CADM1: variants seen among roughly 807,000 people sequenced by gnomAD.
CADM1 encodes the protein cell adhesion molecule 1.
In CADM1, 15 loss-of-function variants were observed where a neutral mutation model predicts 53.1. The ratio of observed to expected loss-of-function variants is 0.28; its 90% CI spans 0.19 to 0.44. The LOEUF (loss-of-function observed/expected upper bound fraction) is 0.44, where lower values mean the gene tolerates loss of function less well. Among genes scored for constraint, CADM1 ranks in the 20% least tolerant of loss-of-function variants. The pLI, the probability that CADM1 is intolerant of heterozygous loss-of-function variation, is 1.00. For missense variants in CADM1, 434 were observed against 611.3 expected (o/e 0.71, Z 3.06); for synonymous variants, 281 against 243.0 (o/e 1.16, Z -1.45).
At chr11:115,350,906 G>T (rs549675184) in intron 1 of CADM1, among the ~76,000 whole-genome samples, 1 of 146,396 alleles carries the variant, frequency 6.8e-6, no homozygotes, top group Non-Finnish European at 1.5e-5. Flanking sequence ...TTCACTTGCC[G>T]CATTCTTTTA....
intron 1 of CADM1, among the ~76,000 whole-genome samples, chr11:115,335,799 C>T (rs1025591889): frequency 6.6e-6 from 1 of 152,054 alleles, no homozygotes; most frequent in African/African-American, 2.4e-5. Flanking sequence ...TTAGTATCAC[C>T]ACCAATATCA....
intron 1 of CADM1, among the ~76,000 whole-genome samples, chr11:115,401,299 T>C (rs940028720): frequency 2.0e-5 from 3 of 152,128 alleles, no homozygotes; most frequent in African/African-American, 7.2e-5. Flanking sequence ...AAGACAAAAC[T>C]ACAGAGACAG....
intron 9 of CADM1, among the ~76,000 whole-genome samples, chr11:115,195,365 T>C (rs1327817204): frequency 6.6e-6 from 1 of 152,244 alleles, no homozygotes; most frequent in African/African-American, 2.4e-5. Flanking sequence ...CAAGCTTGAA[T>C]AAAATATTTT....
intron 5 of CADM1, among the ~76,000 whole-genome samples, chr11:115,228,785 T>TA (rs968391919): frequency 6.6e-5 from 10 of 152,092 alleles, no homozygotes; most frequent in East Asian, 1.9e-4. Flanking sequence ...TATGATGGGA[T>TA]AAAAAAAGGG....
chr11:115,439,994 A>C lies in CADM1; in HGVS notation c.124+64277T>G, dbSNP rs1426433569. ...CTACAAGTGGCAGAAACCAGAAAGT[A>C]CAGCAAACATTTATCCAGGATTTGC... On this transcript the variant is annotated intron_variant, in intron 1 of 11. Transcript: ENST00000331581. Among the ~76,000 whole-genome samples the C allele has an allele frequency of 1.4e-4, 21 of 152,244 alleles. No individual in the cohort carries two copies. The East Asian group carries it at 4.0e-3, about 29-fold the overall frequency.
chr11:115,287,682 A>G (rs551846092), intron 1 of CADM1, among the ~76,000 whole-genome samples: 1 of 152,354 alleles, frequency 6.6e-6, no homozygotes, highest in South Asian at 2.1e-4. Context: ...AATTGCCACA[A>G]AACACCAAGT....
chr11:115,295,539 TATATATATA>T (rs1565349408), intron 1 of CADM1, among the ~76,000 whole-genome samples: 1 of 94,544 alleles, frequency 1.1e-5, no homozygotes, highest in African/African-American at 6.0e-5. Flanking sequence ...TATATATATA[TATATATATA>T]TAATATATAT....
At chr11:115,312,127 A>T (rs2135164734) in intron 1 of CADM1, among the ~76,000 whole-genome samples, 1 of 152,296 alleles carries the variant, frequency 6.6e-6, no homozygotes, top group East Asian at 1.9e-4. Context: ...GAACAATGTG[A>T]CAGTGTAGTG....
At chr11:115,317,885 A>G (rs1226989021) in intron 1 of CADM1, among the ~76,000 whole-genome samples, 1 of 152,172 alleles carries the variant, frequency 6.6e-6, no homozygotes, top group African/African-American at 2.4e-5. Flanking sequence ...AGGCCAAGTA[A>G]TCTATGACCA....
intron 1 of CADM1, among the ~76,000 whole-genome samples, chr11:115,497,181 T>A (rs537857325): frequency 6.6e-6 from 1 of 152,234 alleles, no homozygotes; most frequent in East Asian, 1.9e-4. Context: ...GTCACTGGAA[T>A]ATCAACTTCA....
chr11:115,279,578 A>C (rs143463213), intron 1 of CADM1, among the ~76,000 whole-genome samples: 1,702 of 152,338 alleles, frequency 0.011, 31 homozygotes, highest in African/African-American at 0.031. Context: ...TTATAGGTGA[A>C]AACTGAACTC....
chr11:115,498,558 G>C (rs1949669704), intron 1 of CADM1, among the ~76,000 whole-genome samples: 1 of 152,186 alleles, frequency 6.6e-6, no homozygotes, highest in South Asian at 2.1e-4. Context: ...TTACACAACT[G>C]TATTTGCACA....
At chr11:115,338,445 T>G (rs1591722348) in intron 1 of CADM1, among the ~76,000 whole-genome samples, 1 of 152,272 alleles carries the variant, frequency 6.6e-6, no homozygotes, top group South Asian at 2.1e-4. Context: ...GAAACTACCA[T>G]TTGGAGAAAG....
At chr11:115,284,102 CTCTCTCTCTCTCTGTG>C (rs1257151360) in intron 1 of CADM1, among the ~76,000 whole-genome samples, 3 of 134,422 alleles carry the variant, frequency 2.2e-5, no homozygotes, top group African/African-American at 8.9e-5. Flanking sequence ...CTCTCTCTCT[CTCTCTCTCTCTCTGTG>C]TGTGTGTGTG....
intron 1 of CADM1, among the ~76,000 whole-genome samples, chr11:115,487,582 C>T (rs1049754470): frequency 6.6e-6 from 1 of 152,070 alleles, no homozygotes; most frequent in African/African-American, 2.4e-5. Flanking sequence ...CTATCTTAGT[C>T]TGAAATTCTA....
At chr11:115,257,380 A>G (rs1942824804) in intron 1 of CADM1, among the ~76,000 whole-genome samples, 1 of 152,214 alleles carries the variant, frequency 6.6e-6, no homozygotes, top group African/African-American at 2.4e-5. Context: ...ATTTCTTTGC[A>G]GAATCAGACA....
rs565613977 is a variant in CADM1 at position 115,171,061 on chromosome 11, T to C, written c.*5413A>G. The C allele has an allele frequency of 6.6e-6, 1 of 152,352 alleles. No individual in the cohort carries two copies. The highest frequency in any genetic ancestry group is 1.9e-4 in the East Asian group (1 of 5,186). 9.4% of individuals were successfully genotyped at this position (152,352 alleles called of 1,614,324 possible). ...CCTGACAGGAACTTTAATATGGTAT[T>C]GACCTACAAGGTCATGGATGAGCCA... On this transcript the variant is annotated 3_prime_UTR_variant, in exon 12 of 12. Transcript: ENST00000331581.
chr11:115,318,279 T>A (rs1160974762), intron 1 of CADM1, among the ~76,000 whole-genome samples: 2 of 152,196 alleles, frequency 1.3e-5, no homozygotes, highest in African/African-American at 4.8e-5. Flanking sequence ...TCAGCTATGA[T>A]AAGAAATACT....
rs139079592 is a variant in CADM1 at position 115,404,634 on chromosome 11, T to G, written c.124+99637A>C. On this transcript the variant is annotated intron_variant, in intron 1 of 11. Transcript: ENST00000331581. ...AATAAAAATAAAAAAAAACAAGCCA[T>G]ATACTTAATTGCATATAACCCGCAA... 7.3e-4 allele frequency among the ~76,000 whole-genome samples: 110 copies of G among 149,846 alleles called. 1 individual carries two copies. In the South Asian group the frequency reaches 0.018, roughly 24 times the overall value.
Sources: gnomAD v4.1 joint callset for allele counts (sites outside exome capture counted in the v4.1 genomes callset) on GRCh38, gnomAD v4.1.1 for gene constraint, MANE v1.5 for transcripts, NCBI Gene and HGNC (gene_info 2026-07-23, HGNC 2026-07-21) for gene names.